The following LRRC74A variants were observed in gnomAD, a reference collection of about 807,000 sequenced individuals.
LRRC74A encodes the protein leucine-rich repeat-containing protein 74A.
A neutral mutation model predicts 57.9 loss-of-function variants in LRRC74A; 44 were observed. The ratio of observed to expected loss-of-function variants is 0.76; its 90% CI spans 0.60 to 0.98. The LOEUF is 0.98. Ranked by LOEUF, LRRC74A falls within the 50% of genes least tolerant of loss-of-function variation. LRRC74A has a pLI of 0.00. For synonymous variants in LRRC74A, 211 were observed against 219.4 expected, an observed-to-expected ratio of 0.96 and a Z score of 0.34; for missense variants, 572 against 574.0, an observed-to-expected ratio of 1.00 and a Z score of 0.04.
intron 7 of LRRC74A, among the ~76,000 whole-genome samples, chr14:76,846,674 T>C (rs1388046166): frequency 6.6e-6 from 1 of 151,894 alleles, no homozygotes; most frequent in African/African-American, 2.4e-5. Context: ...ATGTGAAGAA[T>C]GGGGGAAAGA....
At chr14:76,867,786 C>T (rs1027777521) in intron 13 of LRRC74A, among the ~76,000 whole-genome samples, 2 of 152,128 alleles carry the variant, frequency 1.3e-5, no homozygotes, top group East Asian at 1.9e-4. Context: ...GTGTACCAGG[C>T]GCCCTTGCAG....
At position 76,849,523 on chromosome 14, in the gene LRRC74A, T is replaced by C. The variant is rs181074853; in HGVS notation, c.677-2842T>C. Among the ~76,000 whole-genome samples the C allele has an allele frequency of 3.9e-3, 597 of 151,800 alleles. 4 individuals are homozygous for C. The highest frequency in any genetic ancestry group is 0.014 in the African/African-American group (578 of 41,428). Reference sequence around the variant, plus strand: ...AGCTTTTAAAAACACTTACTATTGCTGGGCGGGGTAGATCATGCCTGTAAT... The same window carrying C: ...AGCTTTTAAAAACACTTACTATTGCCGGGCGGGGTAGATCATGCCTGTAAT... On this transcript the variant is annotated intron_variant, in intron 7 of 13. Transcript: ENST00000689127.
intron 3 of LRRC74A, among the ~76,000 whole-genome samples, chr14:76,835,161 A>G (rs896199743): frequency 1.3e-5 from 2 of 152,172 alleles, no homozygotes; most frequent in Non-Finnish European, 2.9e-5. Context: ...TCATGCTGCA[A>G]TGCGAATCCT....
At chr14:76,853,635 C>T (rs529975971) in intron 9 of LRRC74A, among the ~76,000 whole-genome samples, 1 of 152,324 alleles carries the variant, frequency 6.6e-6, no homozygotes, top group African/African-American at 2.4e-5. Flanking sequence ...CACTGCAGAT[C>T]TTTCTAACAG....
At chr14:76,852,232 A>C (rs1334640109) in intron 7 of LRRC74A, 133 bp from the exon 8 acceptor site, 4 of 620,364 alleles carry the variant, frequency 6.4e-6, no homozygotes, top group Admixed American at 3.3e-5. Context: ...TAACTAAAAA[A>C]ATTATTATCT....
At chr14:76,850,555 G>A (rs1232690851) in intron 7 of LRRC74A, among the ~76,000 whole-genome samples, 5 of 152,050 alleles carry the variant, frequency 3.3e-5, no homozygotes, top group African/African-American at 4.8e-5. Flanking sequence ...TGATCAGAAC[G>A]TAGTGCACTG....
intron 11 of LRRC74A, among the ~76,000 whole-genome samples, chr14:76,862,613 A>T (rs935092682): frequency 2.6e-5 from 4 of 152,108 alleles, no homozygotes; most frequent in Non-Finnish European, 5.9e-5. Context: ...TCCAAATAAG[A>T]GATCAACGTA....
At chr14:76,863,622 C>T (rs1467372) in intron 11 of LRRC74A, among the ~76,000 whole-genome samples, 117,972 of 152,128 alleles carry the variant, frequency 0.78, 48,381 homozygotes, top group Middle Eastern at 0.91. Context: ...CTGTGAACTC[C>T]TCCAGGGCAG....
At chr14:76,847,971 C>G (rs1223888397) in intron 7 of LRRC74A, among the ~76,000 whole-genome samples, 5 of 151,964 alleles carry the variant, frequency 3.3e-5, no homozygotes. Flanking sequence ...GTCAGGAGTT[C>G]CAGACCAGCC....
Position 76,841,716 on chromosome 14 carries a change from CT to C in LRRC74A, c.545-2692del, listed in dbSNP as rs55941029. Among the ~76,000 whole-genome samples, 1,361 of 136,376 alleles carry C rather than the reference CT, an allele frequency of 1.0e-2. 16 individuals carry two copies. Among genetic ancestry groups the C allele is most frequent in the African/African-American group, 0.035 (1,259 of 36,428 alleles). 89.5% of individuals were successfully genotyped at this position (136,376 alleles called of 152,430 possible). On this transcript the variant is annotated intron_variant, in intron 5 of 13. Transcript: ENST00000689127. ...TTTTATATTCTTTTTTTTTCTTTTT[CT>C]TTTTTTTTTTTTTTAGAAGGAGTTT...
At chr14:76,827,850 C>G (rs1895682986) in intron 1 of LRRC74A, among the ~76,000 whole-genome samples, 1 of 152,182 alleles carries the variant, frequency 6.6e-6, no homozygotes, top group Admixed American at 6.5e-5. Flanking sequence ...AAGTTGTCAC[C>G]TCCCCTGCCC....
At chr14:76,853,491 C>T in intron 9 of LRRC74A, 81 bp downstream of exon 9, 1 of 1,260,536 alleles carries the variant, frequency 7.9e-7, no homozygotes, top group Non-Finnish European at 1.1e-6. Context: ...AAGTTGGGGG[C>T]TGCAGAGTAC....
chr14:76,853,109 C>A, intron 8 of LRRC74A, 107 bp from the exon 9 acceptor site: 2 of 1,056,896 alleles, frequency 1.9e-6, no homozygotes, highest in Non-Finnish European at 2.8e-6. Context: ...CTGGGGACCA[C>A]TGAGCACCCG....
rs186982083 is a variant in LRRC74A at position 76,868,625 on chromosome 14, G to A, written c.1391+1187G>A. Among the ~76,000 whole-genome samples, 753 of 152,296 alleles carry A rather than the reference G, an allele frequency of 4.9e-3. 4 individuals carry two copies. Among genetic ancestry groups the A allele is most frequent in the Middle Eastern group, 0.017 (5 of 294 alleles). On this transcript the variant is annotated intron_variant, in intron 13 of 13. Transcript: ENST00000689127. ...GGACACAGTTGCCCCTGCCAAGCCT[G>A]GGTCTGCAGCTGAGCTCCCATCTGT...
chr14:76,854,917 A>G (rs1897777229), intron 9 of LRRC74A, among the ~76,000 whole-genome samples: 1 of 152,114 alleles, frequency 6.6e-6, no homozygotes, highest in Non-Finnish European at 1.5e-5. Flanking sequence ...TGTTAGCCCC[A>G]CTTGTCAGAT....
In LRRC74A at chr14:76,828,403, A is replaced by AGACC; in HGVS notation, c.151_154dup (p.Leu52ArgfsTer5). ...AACCAGCCCGGGAGAATTCGGAAAC[A>AGACC]GACCTGGAGATTGAAGGCGAGCATG... On this transcript the variant is annotated frameshift_variant, in exon 2 of 14. Transcript: ENST00000689127. LOFTEE classifies it high-confidence loss of function. 6 of 1,614,038 alleles carry AGACC rather than the reference A, an allele frequency of 3.7e-6. No individual in the cohort carries two copies. The highest frequency in any genetic ancestry group is 5.1e-6 in the Non-Finnish European group (6 of 1,179,888).
chr14:76,853,539 G>A (rs1441364596), intron 9 of LRRC74A, 129 bp downstream of exon 9: 10 of 881,248 alleles, frequency 1.1e-5, no homozygotes, highest in South Asian at 8.5e-5. Context: ...CTTCATATAT[G>A]CATGTACTTT....
intron 2 of LRRC74A, among the ~76,000 whole-genome samples, chr14:76,830,298 T>A (rs1895881624): frequency 6.6e-6 from 1 of 152,172 alleles, no homozygotes; most frequent in South Asian, 2.1e-4. Context: ...GATGCAGACA[T>A]AGACGCCAGC....
At chr14:76,837,052 G>A (rs999640907) in intron 4 of LRRC74A, among the ~76,000 whole-genome samples, 1 of 151,980 alleles carries the variant, frequency 6.6e-6, no homozygotes, top group Admixed American at 6.6e-5. Context: ...TGAGGCAGGA[G>A]AATCACTTGA....
Sources: gnomAD v4.1 joint callset for allele counts (sites outside exome capture counted in the v4.1 genomes callset) on GRCh38, gnomAD v4.1.1 for gene constraint, MANE v1.5 for transcripts, NCBI Gene and HGNC (gene_info 2026-07-23, HGNC 2026-07-21) for gene names.